The following MVB12A variants were observed in gnomAD, a reference collection of about 807,000 sequenced individuals.
MVB12A encodes CIN85/CD2AP family binding protein.
Under a neutral mutation model 34.3 loss-of-function variants are expected in MVB12A, and 30 were observed. That is an observed-to-expected ratio of 0.88 (90% CI 0.65 to 1.19). MVB12A has a LOEUF of 1.19. Among genes scored for constraint, MVB12A ranks in the 50% most tolerant of loss-of-function variants. MVB12A has a pLI of 0.00. For synonymous variants in MVB12A, 158 were observed against 158.9 expected (o/e 0.99, Z 0.04); for missense variants, 355 against 369.2 (o/e 0.96, Z 0.31).
chr19:17,422,335 C>A lies in MVB12A; in HGVS notation c.290C>A (p.Ala97Asp). ...CTCCCCTACCCCCCACTCCCAGAGG[C>A]CTCTGTGTCCAAGAAGAAACGCATG... ...SPVCDPMDSK[A>D]SVSKKKRMCV... The change falls in exon 4 of 9, where the codon GCC becomes GAC. Residue 97 changes from alanine to aspartate, a missense_variant. Physicochemically the swap from Ala to Asp is moderately radical, Grantham distance 126. Transcript: ENST00000317040. 10 of 1,611,646 alleles carry A rather than the reference C, an allele frequency of 6.2e-6. No individual in the cohort carries two copies. Among genetic ancestry groups the A allele is most frequent in the Non-Finnish European group, 8.5e-6 (10 of 1,178,594 alleles).
upstream of MVB12A, chr19:17,417,901 C>CT (rs35259022): frequency 5.1e-3 from 1,213 of 237,752 alleles, no homozygotes; most frequent in East Asian, 0.016. Flanking sequence ...CTTCTTCTTC[C>CT]TTTTTTTTTT....
At chr19:17,409,114 C>A (rs2074747379) in intron 2 of MVB12A, among the ~76,000 whole-genome samples, 1 of 151,516 alleles carries the variant, frequency 6.6e-6, no homozygotes, top group Non-Finnish European at 1.5e-5. Context: ...CAAGCGTGAG[C>A]CACCGTGCCC....
In MVB12A at chr19:17,424,916, C is replaced by T; in HGVS notation, c.760-15C>T. The T allele has an allele frequency of 6.3e-7, 1 of 1,595,524 alleles. No individual in the cohort carries two copies. Among genetic ancestry groups the T allele is most frequent in the Non-Finnish European group, 8.5e-7 (1 of 1,169,640 alleles). ...ACTCTGGCACCTGTTCACTCTCTCT[C>T]TCCCCATCCCCCAGTATAACTACGG... On this transcript the variant is annotated splice_polypyrimidine_tract_variant and intron_variant, in intron 8 of 8. Transcript: ENST00000317040.
chr19:17,408,455 A>T lies in MVB12A; in HGVS notation c.-5+2159A>T, dbSNP rs541017901. Reference sequence around the variant, plus strand: ...TTTTAATTAATTAATTAATTAATTAATTTTTTTTGAGATGGAGTCTCGCTC... The same window carrying T: ...TTTTAATTAATTAATTAATTAATTATTTTTTTTTGAGATGGAGTCTCGCTC... On this transcript the variant is annotated intron_variant, in intron 2 of 6. Coordinates refer to the MVB12A transcript ENST00000528604. 3.0e-4 allele frequency among the ~76,000 whole-genome samples: 45 copies of T among 149,788 alleles called. 1 individual carries two copies. In the South Asian group the frequency reaches 7.5e-3, roughly 25 times the overall value.
rs1197341026 is a variant in MVB12A, at chr19:17,420,065, CT to C, written c.-70del. 22 of 939,372 alleles carry C rather than the reference CT, an allele frequency of 2.3e-5. No individual in the cohort carries two copies. Among genetic ancestry groups the C allele is most frequent in the Admixed American group, 4.9e-5 (1 of 20,608 alleles). The allele number at this position is 939,372 out of a possible 1,614,324, so 58.2% of individuals were successfully genotyped here. A position where few individuals can be genotyped will look rare whatever the true frequency, so the allele number is the denominator to read the frequency against. On this transcript the variant is annotated 5_prime_UTR_variant, in exon 1 of 9. Transcript: ENST00000317040. The stretch of plus-strand genomic sequence containing the variant: ...GGGAGTTGTAGTTCGGTCGCGAGCG[CT>C]GCCGTCGGGAGGCGCTCCGAGGTTC...
At chr19:17,418,477 C>T, upstream of MVB12A, among the ~76,000 whole-genome samples, 1 of 151,012 alleles carries the variant, frequency 6.6e-6, no homozygotes, top group Non-Finnish European at 1.5e-5. Context: ...ATTGCAACCT[C>T]CACCTCCCGG....
At chr19:17,410,594 A>G (rs1404158465) in intron 2 of MVB12A, among the ~76,000 whole-genome samples, 17 of 131,920 alleles carry the variant, frequency 1.3e-4, no homozygotes, top group African/African-American at 5.1e-4. Flanking sequence ...ATATACACAC[A>G]TATATATATA....
chr19:17,416,620 T>C (rs2074801306), upstream of MVB12A, among the ~76,000 whole-genome samples: 1 of 151,918 alleles, frequency 6.6e-6, no homozygotes, highest in African/African-American at 2.4e-5. Context: ...GTTTCACCCA[T>C]GTTGGCCAGG....
intron 2 of MVB12A, among the ~76,000 whole-genome samples, chr19:17,408,870 C>T (rs1200043562): frequency 1.4e-5 from 2 of 142,232 alleles, no homozygotes; most frequent in East Asian, 4.0e-4. Context: ...CTCTCTGTCG[C>T]CCAGGCTGGA....
At chr19:17,412,348 C>A (rs2074774679) in intron 2 of MVB12A, among the ~76,000 whole-genome samples, 1 of 152,170 alleles carries the variant, frequency 6.6e-6, no homozygotes, top group South Asian at 2.1e-4. Context: ...CTCTCTGCAA[C>A]CTCTGTCTCC....
rs2074864268 is a variant in MVB12A at position 17,425,169 on chromosome 19, C to T, written c.*176C>T. The T allele has an allele frequency of 1.8e-6, 1 of 554,820 alleles. No individual in the cohort carries two copies. The allele number at this position is 554,820 out of a possible 1,614,324, so 34.4% of individuals were successfully genotyped here. A position where few individuals can be genotyped will look rare whatever the true frequency, so the allele number is the denominator to read the frequency against. On this transcript the variant is annotated 3_prime_UTR_variant, in exon 9 of 9. Coordinates refer to ENST00000317040, the MANE Select transcript of MVB12A (RefSeq NM_138401.4). Reference sequence around the variant, plus strand: ...GGAGCTGCAGCCCTGGAGGAGGGGGCGGGTCGAGGCTGCGTGGTGATGGGG... The same window carrying T: ...GGAGCTGCAGCCCTGGAGGAGGGGGTGGGTCGAGGCTGCGTGGTGATGGGG...
intron 2 of MVB12A, chr19:17,406,352 C>T (rs2074728431): frequency 6.6e-6 from 1 of 152,220 alleles, no homozygotes. Context: ...GGGCCAGCCT[C>T]AGACACTGTC....
intron 2 of MVB12A, among the ~76,000 whole-genome samples, chr19:17,410,529 T>TATATATATATACACACAC: frequency 1.1e-4 from 8 of 74,446 alleles, no homozygotes; most frequent in African/African-American, 5.3e-4. Flanking sequence ...TATATATATA[T>TATATATATATACACACAC]ACACACACAC....
At chr19:17,424,744 C>A in intron 8 of MVB12A, 67 bp downstream of exon 8, 1 of 1,515,938 alleles carries the variant, frequency 6.6e-7, no homozygotes, top group Non-Finnish European at 8.9e-7. Flanking sequence ...GGCCGGCACC[C>A]GCCCCTCGTC....
At chr19:17,411,475 C>T (rs1047983174) in intron 2 of MVB12A, among the ~76,000 whole-genome samples, 4 of 152,100 alleles carry the variant, frequency 2.6e-5, no homozygotes, top group African/African-American at 4.8e-5. Flanking sequence ...CCCACCTCAG[C>T]CTCCCGAGTA....
intron 2 of MVB12A, among the ~76,000 whole-genome samples, chr19:17,410,907 G>A (rs1471084064): frequency 4.3e-5 from 5 of 115,880 alleles, no homozygotes; most frequent in Non-Finnish European, 6.9e-5. Flanking sequence ...CAGCCTGGGC[G>A]ACAGAGTGAG....
intron 2 of MVB12A, among the ~76,000 whole-genome samples, chr19:17,411,095 A>G (rs899315985): frequency 1.3e-5 from 2 of 150,352 alleles, no homozygotes; most frequent in African/African-American, 4.9e-5. Flanking sequence ...CAGCCTCCCA[A>G]GTAGCTGGGA....
At chr19:17,407,290 A>T (rs1303701527) in intron 2 of MVB12A, among the ~76,000 whole-genome samples, 1 of 152,156 alleles carries the variant, frequency 6.6e-6, no homozygotes, top group Non-Finnish European at 1.5e-5. Context: ...GTGTGCGGCG[A>T]CGAGAGAGTG....
chr19:17,422,238 A>T, intron 3 of MVB12A, 94 bp from the exon 4 acceptor site: 1 of 1,305,848 alleles, frequency 7.7e-7, no homozygotes, highest in South Asian at 1.4e-5. Context: ...GCTGCCTTAA[A>T]CAGCACCCTG....
Sources: allele counts gnomAD v4.1 joint callset (sites outside exome capture counted in the v4.1 genomes callset), GRCh38; gene constraint gnomAD v4.1.1; transcripts MANE v1.5; gene names NCBI Gene and HGNC (gene_info 2026-07-23, HGNC 2026-07-21).